Variants in FAT3 observed in about 807,000 individuals in gnomAD.
The protein encoded by FAT3 is protocadherin Fat 3.
In FAT3, 95 loss-of-function variants were observed where a neutral mutation model predicts 310.2. That is an observed-to-expected ratio of 0.31 (90% confidence interval 0.26 to 0.36). FAT3 has a LOEUF of 0.36. Ranked by LOEUF, FAT3 falls within the 10% of genes least tolerant of loss-of-function variation. FAT3 has a pLI of 1.00. For missense variants in FAT3, 5,408 were observed against 5,715.6 expected (o/e 0.95, Z 1.74); for synonymous variants, 2,314 against 2,192.9 (o/e 1.06, Z -1.54).
At chr11:92,565,352 C>T (rs201137040) in intron 3 of FAT3, among the ~76,000 whole-genome samples, 8 of 134,154 alleles carry the variant, frequency 6.0e-5, no homozygotes, top group Non-Finnish European at 1.3e-4. Flanking sequence ...AGTTGCATCT[C>T]TGAATAGACC....
At chr11:92,493,278 A>T (rs1350679213) in intron 2 of FAT3, among the ~76,000 whole-genome samples, 1 of 152,004 alleles carries the variant, frequency 6.6e-6, no homozygotes, top group African/African-American at 2.4e-5. Context: ...ACCCTCAGAT[A>T]ATGGGCAGAA....
intron 2 of FAT3, among the ~76,000 whole-genome samples, chr11:92,514,773 A>G (rs1953420955): frequency 6.6e-6 from 1 of 152,198 alleles, no homozygotes; most frequent in African/African-American, 2.4e-5. Flanking sequence ...TTATCTTTTG[A>G]TACTGAAAGA....
At chr11:92,501,139 T>G (rs932879668) in intron 2 of FAT3, among the ~76,000 whole-genome samples, 1 of 152,022 alleles carries the variant, frequency 6.6e-6, no homozygotes, top group African/African-American at 2.4e-5. Context: ...TAGAAGCCGC[T>G]TTCTATTGTC....
At chr11:92,408,017 A>G (rs968950111) in intron 2 of FAT3, 1 of 144,534 alleles carries the variant, frequency 6.9e-6, no homozygotes, top group African/African-American at 2.5e-5. Context: ...GTAACAGAAT[A>G]CCACAGAATG....
chr11:92,554,599 A>G (rs1322467524), intron 3 of FAT3, among the ~76,000 whole-genome samples: 1 of 151,892 alleles, frequency 6.6e-6, no homozygotes, highest in Non-Finnish European at 1.5e-5. Context: ...CATGAGATCA[A>G]TGCTGGTAGC....
intron 4 of FAT3, among the ~76,000 whole-genome samples, chr11:92,760,752 A>G (rs765271132): frequency 3.9e-5 from 6 of 152,212 alleles, no homozygotes; most frequent in African/African-American, 1.4e-4. Flanking sequence ...CACTATCGAC[A>G]TGTTAGGTGT....
chr11:92,568,211 G>A (rs1427760621), intron 3 of FAT3, among the ~76,000 whole-genome samples: 2 of 152,026 alleles, frequency 1.3e-5, no homozygotes, highest in Non-Finnish European at 2.9e-5. Context: ...CAGAGTGGAG[G>A]CAATCACAAT....
intron 3 of FAT3, among the ~76,000 whole-genome samples, chr11:92,629,727 G>A (rs1018660675): frequency 2.6e-5 from 4 of 152,074 alleles, no homozygotes; most frequent in East Asian, 1.9e-4. Flanking sequence ...CCCTTCTTCA[G>A]CACCAACCTA....
Position 92,279,093 on chromosome 11 carries a change from G to T in FAT3, c.-18+53919G>T, listed in dbSNP as rs183032706. Among the ~76,000 whole-genome samples the T allele has an allele frequency of 1.1e-4, 17 of 152,284 alleles. No homozygotes were observed. The East Asian group carries it at 1.7e-3, about 16-fold the overall frequency. ...AATGTAAATGTGGGTCCAAGGAAAA[G>T]AAATATTATTTTAAATTACATTACT... On this transcript the variant is annotated intron_variant, in intron 1 of 27. Transcript: ENST00000525166.
intron 2 of FAT3, among the ~76,000 whole-genome samples, chr11:92,507,426 G>A (rs1172543871): frequency 6.6e-6 from 1 of 151,992 alleles, no homozygotes; most frequent in African/African-American, 2.4e-5. Flanking sequence ...AGGTAGTTTT[G>A]AGGATTTCAC....
intron 2 of FAT3, among the ~76,000 whole-genome samples, chr11:92,519,646 A>T (rs1953616304): frequency 6.6e-6 from 1 of 152,120 alleles, no homozygotes; most frequent in Admixed American, 6.6e-5. Context: ...TATCCAGAAT[A>T]TATAAAGAAC....
At chr11:92,644,273 A>G (rs1033400788) in intron 3 of FAT3, among the ~76,000 whole-genome samples, 5 of 152,210 alleles carry the variant, frequency 3.3e-5, no homozygotes, top group African/African-American at 2.4e-5. Context: ...CTCTCTATCA[A>G]TTATGTTCAT....
intron 1 of FAT3, among the ~76,000 whole-genome samples, chr11:92,328,632 C>T (rs1172803797): frequency 6.6e-6 from 1 of 152,218 alleles, no homozygotes; most frequent in Non-Finnish European, 1.5e-5. Flanking sequence ...GCCACTACTT[C>T]CCAAGTGCCA....
rs1432585356 is a variant in FAT3 at position 92,891,342 on chromosome 11, G to GT, written c.*230dup. ...TGAGAGGTGACTGGTAATCCTTGAT[G>GT]TAGGTACCTATGTTCACAGCTAAAA... On this transcript the variant is annotated 3_prime_UTR_variant, in exon 28 of 28. Coordinates refer to ENST00000525166, the MANE Select transcript of FAT3 (RefSeq NM_001367949.2). The GT allele has an allele frequency of 5.1e-6, 3 of 592,736 alleles. No homozygotes were observed. The African/African-American group carries it at 5.6e-5, about 11-fold the overall frequency. The allele number at this position is 592,736 out of a possible 1,614,324, so 36.7% of individuals were successfully genotyped here.
intron 3 of FAT3, among the ~76,000 whole-genome samples, chr11:92,631,652 C>T (rs1046114500): frequency 7.2e-5 from 11 of 152,096 alleles, no homozygotes; most frequent in Non-Finnish European, 1.0e-4. Flanking sequence ...GTCAATTAAA[C>T]CCGTTTTCTT....
intron 2 of FAT3, among the ~76,000 whole-genome samples, chr11:92,455,380 T>C (rs1453900163): frequency 6.6e-6 from 1 of 152,180 alleles, no homozygotes; most frequent in African/African-American, 2.4e-5. Flanking sequence ...TTAATCTTAC[T>C]CTACCAGGGC....
At position 92,622,382 on chromosome 11, in the gene FAT3, T is replaced by G. The variant is rs1234184634; in HGVS notation, c.3608-75002T>G. ...TATTTTTGTACTAAATAGTATTTAT[T>G]GATTATAAACAATAATCCCAATAAT... On this transcript the variant is annotated intron_variant, in intron 3 of 27. Coordinates refer to ENST00000525166, the MANE Select transcript of FAT3 (RefSeq NM_001367949.2). Among the ~76,000 whole-genome samples the G allele has an allele frequency of 2.6e-5, 4 of 152,242 alleles. No individual in the cohort carries two copies. The East Asian group carries it at 7.7e-4, about 29-fold the overall frequency.
intron 2 of FAT3, among the ~76,000 whole-genome samples, chr11:92,496,586 T>C (rs945904621): frequency 6.6e-6 from 1 of 152,016 alleles, no homozygotes; most frequent in Non-Finnish European, 1.5e-5. Context: ...GGGATGGGGT[T>C]GCTCTATGTG....
chr11:92,458,855 G>C (rs990835390), intron 2 of FAT3, among the ~76,000 whole-genome samples: 10 of 152,176 alleles, frequency 6.6e-5, no homozygotes, highest in Admixed American at 6.6e-4. Context: ...TTTTGTGTCA[G>C]AGTTTTAATC....
Sources: gnomAD v4.1 joint callset for allele counts (sites outside exome capture counted in the v4.1 genomes callset) on GRCh38, gnomAD v4.1.1 for gene constraint, MANE v1.5 for transcripts, NCBI Gene and HGNC (gene_info 2026-07-23, HGNC 2026-07-21) for gene names.